KIF26B: variants seen among roughly 807,000 people sequenced by gnomAD.
KIF26B encodes the protein kinesin family member 26B, also known as kinesin-like protein KIF26B.
Under a neutral mutation model 151.2 loss-of-function variants are expected in KIF26B, and 63 were observed. That is an observed-to-expected ratio of 0.42 (90% CI 0.34 to 0.51). The LOEUF (loss-of-function observed/expected upper bound fraction) is 0.51. Among genes scored for constraint, KIF26B ranks in the 20% least tolerant of loss-of-function variants. KIF26B has a pLI of 0.07. For synonymous variants in KIF26B, 1,357 were observed against 1,262.1 expected (o/e 1.08, Z -1.59); for missense variants, 2,813 against 2,913.6 (o/e 0.97, Z 0.79).
At chr1:245,620,047 C>A (rs1015182081) in intron 9 of KIF26B, among the ~76,000 whole-genome samples, 2 of 151,920 alleles carry the variant, frequency 1.3e-5, no homozygotes, top group Non-Finnish European at 2.9e-5. Flanking sequence ...CCTCACAACG[C>A]AACAGAGTCA....
chr1:245,265,765 T>G (rs1232159747), intron 2 of KIF26B, among the ~76,000 whole-genome samples: 1 of 151,952 alleles, frequency 6.6e-6, no homozygotes, highest in Non-Finnish European at 1.5e-5. Context: ...CCACCACACC[T>G]GGCTGATTTC....
chr1:245,656,167 A>G (rs983651317), intron 10 of KIF26B, among the ~76,000 whole-genome samples: 2 of 152,268 alleles, frequency 1.3e-5, no homozygotes, highest in East Asian at 3.8e-4. Context: ...GCAGGAATAC[A>G]GACACTGAGC....
At chr1:245,588,542 T>C (rs776377777) in intron 5 of KIF26B, among the ~76,000 whole-genome samples, 19 of 152,100 alleles carry the variant, frequency 1.2e-4, no homozygotes, top group Non-Finnish European at 2.2e-4. Context: ...ACCCAGGCTG[T>C]CCCCTGCACT....
chr1:245,478,926 A>T (rs1302302545), intron 4 of KIF26B, among the ~76,000 whole-genome samples: 1 of 151,766 alleles, frequency 6.6e-6, no homozygotes, highest in Admixed American at 6.6e-5. Flanking sequence ...TTACTGTGAG[A>T]GAAAGTAAGG....
At chr1:245,462,945 T>C (rs1659684077) in intron 4 of KIF26B, among the ~76,000 whole-genome samples, 2 of 152,116 alleles carry the variant, frequency 1.3e-5, no homozygotes, top group Admixed American at 1.3e-4. Context: ...CAGTTTGTGC[T>C]CAGGTTGTGG....
At chr1:245,213,909 A>G (rs1356326840) in intron 2 of KIF26B, among the ~76,000 whole-genome samples, 1 of 152,180 alleles carries the variant, frequency 6.6e-6, no homozygotes, top group Non-Finnish European at 1.5e-5. Context: ...GCCACACAGT[A>G]AGACTCCCAC....
At chr1:245,238,367 A>C (rs1240727097) in intron 2 of KIF26B, among the ~76,000 whole-genome samples, 1 of 152,152 alleles carries the variant, frequency 6.6e-6, no homozygotes, top group Non-Finnish European at 1.5e-5. Flanking sequence ...TGAGAATCAC[A>C]AAACTCTGAT....
chr1:245,240,586 T>C (rs1321884479), intron 2 of KIF26B, among the ~76,000 whole-genome samples: 2 of 152,214 alleles, frequency 1.3e-5, no homozygotes, highest in Admixed American at 6.5e-5. Context: ...TTTTTCCTTC[T>C]AGGGAAAATT....
chr1:245,539,698 C>T (rs185215582), intron 4 of KIF26B, among the ~76,000 whole-genome samples: 56 of 152,270 alleles, frequency 3.7e-4, no homozygotes, highest in Non-Finnish European at 6.9e-4. Flanking sequence ...TGTCACCCAG[C>T]CTGGAGAGCA....
intron 2 of KIF26B, among the ~76,000 whole-genome samples, chr1:245,316,273 C>A (rs940210987): frequency 2.6e-5 from 4 of 152,084 alleles, no homozygotes; most frequent in Non-Finnish European, 5.9e-5. Context: ...AGGCACCCGC[C>A]ACCATGCCTG....
chr1:245,447,982 C>A (rs890151376), intron 4 of KIF26B, among the ~76,000 whole-genome samples: 4 of 152,228 alleles, frequency 2.6e-5, no homozygotes, highest in African/African-American at 7.2e-5. Context: ...ACCCTACCAC[C>A]AGCTCGCCCT....
At chr1:245,562,601 C>G (rs1330798189) in intron 5 of KIF26B, among the ~76,000 whole-genome samples, 2 of 150,236 alleles carry the variant, frequency 1.3e-5, no homozygotes, top group African/African-American at 4.8e-5. Context: ...CCCCCCTTCC[C>G]CCATGCTCTT....
In KIF26B at chr1:245,492,631, A is replaced by ATT. The variant is rs774152966; in HGVS notation, c.1167-48132_1167-48131dup. On this transcript the variant is annotated intron_variant, in intron 4 of 14. Coordinates refer to ENST00000407071, the MANE Select transcript of KIF26B (RefSeq NM_018012.4). ...TTGCATCAATTTGTGACCAAAGGAC[A>ATT]TTTTTCAAACTGACCTAAGCCAATT... Among the ~76,000 whole-genome samples the ATT allele has an allele frequency of 2.0e-5, 3 of 152,204 alleles. No individual in the cohort carries two copies. In the South Asian group the frequency reaches 6.2e-4, roughly 31 times the overall value.
intron 2 of KIF26B, among the ~76,000 whole-genome samples, chr1:245,296,648 G>A (rs12239562): frequency 0.2 from 30,537 of 152,084 alleles, 3,473 homozygotes; most frequent in African/African-American, 0.3. Context: ...CCTTGCTCAC[G>A]AAGTCGGCCT....
At chr1:245,254,141 G>A (rs1308561932) in intron 2 of KIF26B, among the ~76,000 whole-genome samples, 2 of 151,948 alleles carry the variant, frequency 1.3e-5, no homozygotes, top group Non-Finnish European at 2.9e-5. Context: ...AACATTATGG[G>A]CATTTTCTAG....
At chr1:245,194,358 A>G (rs1669157587) in intron 2 of KIF26B, among the ~76,000 whole-genome samples, 1 of 152,186 alleles carries the variant, frequency 6.6e-6, no homozygotes, top group African/African-American at 2.4e-5. Context: ...GATTTTGGTA[A>G]CATAGTGACA....
At chr1:245,185,794 G>A (rs1472075234) in intron 2 of KIF26B, among the ~76,000 whole-genome samples, 1 of 152,054 alleles carries the variant, frequency 6.6e-6, no homozygotes, top group Non-Finnish European at 1.5e-5. Context: ...TGAGTCATGG[G>A]CTGAGCTGGG....
chr1:245,367,520 C>T lies in KIF26B; in HGVS notation c.999+153C>T, dbSNP rs578013737. Among the ~76,000 whole-genome samples, 50 of 152,338 alleles carry T rather than the reference C, an allele frequency of 3.3e-4. No homozygotes were observed. In the South Asian group the frequency reaches 9.5e-3, roughly 29 times the overall value. On this transcript the variant is annotated intron_variant, in intron 3 of 14. Coordinates refer to ENST00000407071, the MANE Select transcript of KIF26B (RefSeq NM_018012.4). This position sits in a 1 kb window ranked among gnomAD's most constrained non-coding sequence, Gnocchi z 4.2. ...CCCCACAGAGTTCTCATCAAGGTGC[C>T]CCACCCGGGCCTGCCTGCTTTGAGA... is the stretch of plus-strand genomic sequence containing the variant.
At chr1:245,664,383 T>G (rs968944630) in intron 10 of KIF26B, among the ~76,000 whole-genome samples, 12 of 150,662 alleles carry the variant, frequency 8.0e-5, no homozygotes, top group African/African-American at 2.9e-4. Context: ...ATCCACAACA[T>G]TTAACTGTAC....
Sources: allele counts gnomAD v4.1 joint callset (sites outside exome capture counted in the v4.1 genomes callset), GRCh38; gene constraint gnomAD v4.1.1; non-coding constraint Gnocchi (gnomAD v3.1); transcripts MANE v1.5; gene names NCBI Gene and HGNC (gene_info 2026-07-23, HGNC 2026-07-21).